The following ASIC2 variants were observed in gnomAD, a reference collection of about 807,000 sequenced individuals.
ASIC2 encodes the protein acid sensing ion channel subunit 2.
In ASIC2, 25 loss-of-function variants were observed where a neutral mutation model predicts 57.3. That is an observed-to-expected ratio of 0.44 (90% CI 0.32 to 0.61). The LOEUF (loss-of-function observed/expected upper bound fraction) is 0.61, where lower values mean the gene tolerates loss of function less well. Among genes scored for constraint, ASIC2 ranks in the 20% least tolerant of loss-of-function variants. The pLI is 0.06. For synonymous variants in ASIC2, 319 were observed against 307.5 expected (o/e 1.04, Z -0.39); for missense variants, 641 against 738.1 (o/e 0.87, Z 1.52).
intron 1 of ASIC2, among the ~76,000 whole-genome samples, chr17:33,720,548 A>G (rs1159341064): frequency 1.3e-5 from 2 of 152,216 alleles, no homozygotes; most frequent in Non-Finnish European, 2.9e-5. Context: ...TAAAGGGTTC[A>G]GTTCTAGTAA....
intron 1 of ASIC2, among the ~76,000 whole-genome samples, chr17:33,531,630 G>A (rs895921052): frequency 6.6e-6 from 1 of 152,090 alleles, no homozygotes; most frequent in African/African-American, 2.4e-5. Context: ...CTTCTCCATC[G>A]CACTTGTGGT....
At chr17:33,345,513 A>C (rs1388113902) in intron 1 of ASIC2, among the ~76,000 whole-genome samples, 1 of 152,206 alleles carries the variant, frequency 6.6e-6, no homozygotes, top group African/African-American at 2.4e-5. Context: ...AAACAGGGTG[A>C]TGTGCTTGAG....
At chr17:33,137,863 T>G (rs1270888779) in intron 1 of ASIC2, among the ~76,000 whole-genome samples, 2 of 152,240 alleles carry the variant, frequency 1.3e-5, no homozygotes, top group African/African-American at 4.8e-5. Flanking sequence ...CCTAATCTAT[T>G]TTTCAAATTG....
At chr17:33,557,183 C>T (rs1213052150) in intron 1 of ASIC2, among the ~76,000 whole-genome samples, 3 of 152,034 alleles carry the variant, frequency 2.0e-5, no homozygotes, top group Non-Finnish European at 4.4e-5. Flanking sequence ...GGCCTTTTTC[C>T]TTTTTGGTCT....
intron 1 of ASIC2, among the ~76,000 whole-genome samples, chr17:33,551,611 C>T (rs1230388469): frequency 6.6e-6 from 1 of 152,150 alleles, no homozygotes; most frequent in Non-Finnish European, 1.5e-5. Context: ...TGCTCTTCTC[C>T]TTGTGAATAA....
At chr17:33,950,709 A>G (rs1000149768) in intron 1 of ASIC2, among the ~76,000 whole-genome samples, 2 of 152,204 alleles carry the variant, frequency 1.3e-5, no homozygotes, top group African/African-American at 4.8e-5. Context: ...GGTCAGAAGA[A>G]AAGTCCTGAT....
In ASIC2 at chr17:34,078,231, G is replaced by A. The variant is rs112939043; in HGVS notation, c.555+77747C>T. Among the ~76,000 whole-genome samples, 288 of 152,266 alleles carry A rather than the reference G, an allele frequency of 1.9e-3. 1 individual carries two copies. The highest frequency in any genetic ancestry group is 6.1e-3 in the African/African-American group (254 of 41,548). On this transcript the variant is annotated intron_variant, in intron 1 of 9. Transcript: ENST00000359872. ...GCAAACCTGCCTTTCTCTCTAAACAGTGAGTTTCTTCAGAGCAGAGGTAGG... is the reference window on the plus strand; with the variant it reads ...GCAAACCTGCCTTTCTCTCTAAACAATGAGTTTCTTCAGAGCAGAGGTAGG...
intron 1 of ASIC2, chr17:34,118,456 A>G (rs1257916376): frequency 2.0e-5 from 3 of 152,224 alleles, no homozygotes; most frequent in African/African-American, 7.2e-5. Flanking sequence ...AATTCCCCAC[A>G]CCGACATTTC....
At chr17:33,018,416 T>G (rs765811293) in intron 7 of ASIC2, among the ~76,000 whole-genome samples, 67 of 152,140 alleles carry the variant, frequency 4.4e-4, no homozygotes, top group Non-Finnish European at 8.7e-4. Flanking sequence ...GGGGGTAAGG[T>G]GCATTCTCGG....
At position 33,876,907 on chromosome 17, in the gene ASIC2, C is replaced by T. The variant is rs189387627; in HGVS notation, c.555+279071G>A. ...ACGGATGGAATCTGAGTTTGGCACG[C>T]GTTCAGGTTACTTTTGCTTTCCTGA... On this transcript the variant is annotated intron_variant, in intron 1 of 9. Transcript: ENST00000359872. Among the ~76,000 whole-genome samples, 468 of 152,276 alleles carry T rather than the reference C, an allele frequency of 3.1e-3. 5 individuals are homozygous for T. Among genetic ancestry groups the T allele is most frequent in the African/African-American group, 1.0e-2 (414 of 41,554 alleles).
intron 1 of ASIC2, among the ~76,000 whole-genome samples, chr17:33,711,907 C>T (rs563728395): frequency 1.6e-4 from 25 of 152,254 alleles, no homozygotes; most frequent in African/African-American, 5.8e-4. Context: ...TAAGTTTCAT[C>T]TTCAGAACCA....
At position 33,293,161 on chromosome 17, in the gene ASIC2, C is replaced by T. The variant is rs1418844794; in HGVS notation, c.-1046G>A. 1.3e-5 allele frequency among the ~76,000 whole-genome samples: 2 copies of T among 152,208 alleles called. No individual in the cohort carries two copies. Among genetic ancestry groups the T allele is most frequent in the African/African-American group, 4.8e-5 (2 of 41,448 alleles). On this transcript the variant is annotated 5_prime_UTR_variant, in exon 1 of 10. Coordinates refer to ENST00000225823, the MANE Select transcript of ASIC2 (RefSeq NM_183377.2). Reference sequence around the variant, plus strand: ...GACTCCGAGCTCGCGGTGGCCGTGACGCCGGCTAAGCTCCTTCCCCGGTTG... The same window carrying T: ...GACTCCGAGCTCGCGGTGGCCGTGATGCCGGCTAAGCTCCTTCCCCGGTTG...
chr17:34,061,363 A>G (rs1908963137), intron 1 of ASIC2, among the ~76,000 whole-genome samples: 1 of 152,220 alleles, frequency 6.6e-6, no homozygotes, highest in African/African-American at 2.4e-5. Flanking sequence ...AAATCTTGAA[A>G]CAAATCCTGG....
intron 3 of ASIC2, among the ~76,000 whole-genome samples, chr17:33,068,143 T>TG (rs997577445): frequency 9.9e-5 from 15 of 151,874 alleles, no homozygotes; most frequent in African/African-American, 3.4e-4. Flanking sequence ...TGACTGGACC[T>TG]GGGGGGGTGG....
At chr17:33,244,646 G>A (rs1370448629) in intron 1 of ASIC2, among the ~76,000 whole-genome samples, 1 of 152,188 alleles carries the variant, frequency 6.6e-6, no homozygotes, top group East Asian at 1.9e-4. Flanking sequence ...CCTAAGAGTG[G>A]CTTGTCCTGG....
intron 1 of ASIC2, among the ~76,000 whole-genome samples, chr17:33,287,548 GA>G (rs1469360519): frequency 6.6e-6 from 1 of 152,218 alleles, no homozygotes; most frequent in Non-Finnish European, 1.5e-5. Context: ...TGATGCCAGG[GA>G]AACAACACAG....
chr17:33,245,278 T>C (rs1486007993), intron 1 of ASIC2, among the ~76,000 whole-genome samples: 1 of 152,150 alleles, frequency 6.6e-6, no homozygotes, highest in African/African-American at 2.4e-5. Flanking sequence ...GTAGGAGCTA[T>C]TACGGAAATA....
chr17:33,461,488 G>A (rs978536079), intron 1 of ASIC2, among the ~76,000 whole-genome samples: 2 of 152,122 alleles, frequency 1.3e-5, no homozygotes, highest in Non-Finnish European at 2.9e-5. Context: ...TGCTGTCCAA[G>A]CTCTACTTGC....
intron 1 of ASIC2, among the ~76,000 whole-genome samples, chr17:33,384,529 T>C (rs1243794466): frequency 1.3e-5 from 2 of 152,158 alleles, no homozygotes; most frequent in South Asian, 2.1e-4. Flanking sequence ...TTCCAAGTTA[T>C]GTCTGTTTAC....
Sources: allele counts gnomAD v4.1 joint callset (sites outside exome capture counted in the v4.1 genomes callset), GRCh38; gene constraint gnomAD v4.1.1; transcripts MANE v1.5; gene names NCBI Gene and HGNC (gene_info 2026-07-23, HGNC 2026-07-21).